The following SMIM36 variants were observed in gnomAD, a reference collection of about 807,000 sequenced individuals.
SMIM36 encodes the protein small integral membrane protein 36.
At chr17:55,514,174 T>G (rs1314728460), upstream of SMIM36, among the ~76,000 whole-genome samples, 3 of 152,098 alleles carry the variant, frequency 2.0e-5, no homozygotes, top group Non-Finnish European at 4.4e-5. Flanking sequence ...TTGCTGTCTT[T>G]AAGGAACTTT....
chr17:55,487,728 T>C (rs977437096), intron 1 of SMIM36, among the ~76,000 whole-genome samples: 1 of 152,140 alleles, frequency 6.6e-6, no homozygotes, highest in Admixed American at 6.5e-5. Flanking sequence ...CCTCCAGCAG[T>C]ATCACCCTTG....
chr17:55,508,351 G>T (rs1255747532), intron 1 of SMIM36, among the ~76,000 whole-genome samples: 1 of 147,650 alleles, frequency 6.8e-6, no homozygotes, highest in Non-Finnish European at 1.5e-5. Flanking sequence ...AACAAAAAAA[G>T]AAATACATAC....
chr17:55,486,678 C>T (rs1241443633), intron 1 of SMIM36, among the ~76,000 whole-genome samples: 3 of 152,146 alleles, frequency 2.0e-5, no homozygotes, highest in Non-Finnish European at 4.4e-5. Context: ...AAGCGTGCAT[C>T]GTGCCCTACC....
intron 1 of SMIM36, among the ~76,000 whole-genome samples, chr17:55,500,949 ATATAT>A (rs1348811630): frequency 0.011 from 526 of 49,060 alleles, 232 homozygotes; most frequent in African/African-American, 0.057. Flanking sequence ...ATATATTATA[ATATAT>A]TATATTTTAT....
At chr17:55,530,204 C>T in the SMIM36 span, among the ~76,000 whole-genome samples, 1 of 152,140 alleles carries the variant, frequency 6.6e-6, no homozygotes, top group Non-Finnish European at 1.5e-5. Flanking sequence ...AGGATAGGAA[C>T]CCAATTTGGC....
intron 4 of SMIM36, among the ~76,000 whole-genome samples, chr17:55,466,191 C>T (rs1393175591): frequency 3.4e-5 from 5 of 145,728 alleles, no homozygotes; most frequent in African/African-American, 1.0e-4. Flanking sequence ...GTAGGAGAAT[C>T]GCTTGAACCT....
chr17:55,499,106 T>C (rs1285955693), intron 1 of SMIM36, among the ~76,000 whole-genome samples: 1 of 151,930 alleles, frequency 6.6e-6, no homozygotes, highest in East Asian at 1.9e-4. Context: ...CAGTATAAAG[T>C]TCAGGCTTAG....
intron 4 of SMIM36, among the ~76,000 whole-genome samples, chr17:55,460,849 C>A (rs750739458): frequency 1.3e-5 from 2 of 151,934 alleles, no homozygotes; most frequent in Non-Finnish European, 2.9e-5. Context: ...CAGAGTGAGA[C>A]CCTGTCTCAA....
intron 4 of SMIM36, among the ~76,000 whole-genome samples, chr17:55,456,055 T>C (rs1384230208): frequency 1.5e-5 from 2 of 130,554 alleles, no homozygotes; most frequent in Admixed American, 1.9e-4. Flanking sequence ...GAGGCGGAGG[T>C]TGCAGTGAGC....
At chr17:55,488,652 T>A (rs1334461163) in intron 1 of SMIM36, among the ~76,000 whole-genome samples, 1 of 152,250 alleles carries the variant, frequency 6.6e-6, no homozygotes, top group African/African-American at 2.4e-5. Context: ...AGATGCACCA[T>A]ATGTTATTAA....
chr17:55,453,791 A>G (rs1908968501), intron 4 of SMIM36, among the ~76,000 whole-genome samples: 1 of 152,184 alleles, frequency 6.6e-6, no homozygotes, highest in Admixed American at 6.5e-5. Context: ...AGTAAAATAG[A>G]TATTTAGAGT....
intron 1 of SMIM36, among the ~76,000 whole-genome samples, chr17:55,496,353 T>C (rs1909806784): frequency 6.6e-6 from 1 of 152,050 alleles, no homozygotes; most frequent in African/African-American, 2.4e-5. Flanking sequence ...TCCCAGCATA[T>C]GGCTGGTGTT....
At chr17:55,521,652 C>T in the SMIM36 span, among the ~76,000 whole-genome samples, 45 of 150,040 alleles carry the variant, frequency 3.0e-4, no homozygotes, top group Non-Finnish European at 1.3e-4. Flanking sequence ...GGAGGACATG[C>T]GTGGATTTTA....
intron 1 of SMIM36, among the ~76,000 whole-genome samples, chr17:55,492,173 A>G (rs1424297007): frequency 9.2e-5 from 14 of 151,556 alleles, no homozygotes; most frequent in Non-Finnish European, 1.6e-4. Context: ...AAAAAAAGAA[A>G]AAATTAAAAT....
At chr17:55,482,743 G>A (rs1215028195) in intron 1 of SMIM36, among the ~76,000 whole-genome samples, 2 of 152,178 alleles carry the variant, frequency 1.3e-5, no homozygotes, top group Non-Finnish European at 2.9e-5. Context: ...TAGAGAATTA[G>A]AGACTACAGG....
chr17:55,508,462 A>ATATG (rs1910122777), intron 1 of SMIM36, among the ~76,000 whole-genome samples: 1 of 120,004 alleles, frequency 8.3e-6, no homozygotes, highest in Admixed American at 8.3e-5. Flanking sequence ...ATATATATAT[A>ATATG]TATATATGAA....
rs1265746733 is a variant in SMIM36, at chr17:55,504,649, C to T, written c.*174+6230G>A. 5.5e-4 allele frequency among the ~76,000 whole-genome samples: 47 copies of T among 85,956 alleles called. 16 individuals carry two copies. Among genetic ancestry groups the T allele is most frequent in the Middle Eastern group, 0.011 (2 of 188 alleles). 56.4% of individuals were successfully genotyped at this position (85,956 alleles called of 152,430 possible). On this transcript the variant is annotated intron_variant, in intron 1 of 4. Coordinates refer to ENST00000636752, the Ensembl canonical transcript of SMIM36. ...GAACGATCCAAAATTGACACCCTAA[C>T]ATCACAATTAGAAGAACTAGAAAAG...
At chr17:55,507,835 C>A (rs962171147) in intron 1 of SMIM36, among the ~76,000 whole-genome samples, 1 of 152,190 alleles carries the variant, frequency 6.6e-6, no homozygotes, top group Non-Finnish European at 1.5e-5. Flanking sequence ...AGTCCATCAG[C>A]CTGCGGACTT....
chr17:55,461,796 A>T (rs962116634), intron 4 of SMIM36, among the ~76,000 whole-genome samples: 1 of 152,230 alleles, frequency 6.6e-6, no homozygotes, highest in Non-Finnish European at 1.5e-5. Flanking sequence ...CAGAAAGTAC[A>T]GACTCCCACC....
Sources: allele counts gnomAD v4.1 joint callset (sites outside exome capture counted in the v4.1 genomes callset), GRCh38; gene constraint gnomAD v4.1.1; transcripts MANE v1.5; gene names NCBI Gene and HGNC (gene_info 2026-07-23, HGNC 2026-07-21).